SAMD12: variants seen among roughly 807,000 people sequenced by gnomAD.
SAMD12 encodes sterile alpha motif domain containing 12, also known as sterile alpha motif domain-containing protein 12.
A neutral mutation model predicts 15.0 loss-of-function variants in SAMD12; 9 were observed. The ratio of observed to expected loss-of-function variants is 0.60; its 90% CI spans 0.36 to 1.05. SAMD12 has a LOEUF of 1.05. SAMD12 is among the 50% of genes least tolerant of loss of function. The pLI, the probability that SAMD12 is intolerant of heterozygous loss-of-function variation, is 0.01. For missense variants in SAMD12, 230 were observed against 234.2 expected (o/e 0.98, Z 0.12); for synonymous variants, 86 against 90.1 (o/e 0.96, Z 0.25).
In SAMD12 at chr8:118,217,417, G is replaced by A. The variant is rs115201177; in HGVS notation, c.434-19685C>T. Among the ~76,000 whole-genome samples the A allele has an allele frequency of 2.2e-3, 339 of 152,314 alleles. 3 individuals carry two copies. Among genetic ancestry groups the A allele is most frequent in the African/African-American group, 7.3e-3 (305 of 41,566 alleles). On this transcript the variant is annotated intron_variant, in intron 4 of 4. Coordinates refer to the SAMD12 transcript ENST00000409003. The stretch of plus-strand genomic sequence containing the variant: ...ACATACCAAATGAATATCAGTATGG[G>A]TGAGGGATTGTGCTAGATTCTGAGG...
chr8:118,618,041 T>A (rs1268287001), intron 1 of SAMD12, among the ~76,000 whole-genome samples: 2 of 149,586 alleles, frequency 1.3e-5, no homozygotes, highest in Admixed American at 1.3e-4. Flanking sequence ...TTTTTTTTTT[T>A]TAAAAAAAGG....
At chr8:118,132,989 TATA>T in the SAMD12 span, among the ~76,000 whole-genome samples, 1 of 70,434 alleles carries the variant, frequency 1.4e-5, no homozygotes, top group Non-Finnish European at 2.9e-5. Flanking sequence ...TATATATATA[TATA>T]TATATATATA....
chr8:118,277,072 A>G (rs1452134872), intron 4 of SAMD12, among the ~76,000 whole-genome samples: 2 of 152,206 alleles, frequency 1.3e-5, no homozygotes, highest in East Asian at 1.9e-4. Flanking sequence ...CCACACCTGG[A>G]ATCATGACAA....
At position 118,552,400 on chromosome 8, in the gene SAMD12, C is replaced by A. The variant is rs1320561879; in HGVS notation, c.192+28315G>T. Among the ~76,000 whole-genome samples the A allele has an allele frequency of 4.6e-5, 7 of 152,140 alleles. No homozygotes were observed. In the South Asian group the frequency reaches 1.2e-3, roughly 27 times the overall value. On this transcript the variant is annotated intron_variant, in intron 2 of 3. Coordinates refer to ENST00000314727, the MANE Select transcript of SAMD12 (RefSeq NM_207506.3). Reference sequence around the variant, plus strand: ...ATGCAAATCAATAAATGTAATCCAGCATATAAACAGAACCAAAGACAAAAA... The same window carrying A: ...ATGCAAATCAATAAATGTAATCCAGAATATAAACAGAACCAAAGACAAAAA...
At chr8:118,521,459 G>C (rs192300134) in intron 2 of SAMD12, among the ~76,000 whole-genome samples, 18 of 152,264 alleles carry the variant, frequency 1.2e-4, no homozygotes, top group Non-Finnish European at 2.2e-4. Context: ...CTCTTATTGA[G>C]AGATAAGTGC....
chr8:118,382,383 T>C lies in SAMD12; in HGVS notation c.323-2683A>G, dbSNP rs555922896. 5.3e-5 allele frequency among the ~76,000 whole-genome samples: 8 copies of C among 152,316 alleles called. No homozygotes were observed. The East Asian group carries it at 1.5e-3, about 29-fold the overall frequency. On this transcript the variant is annotated intron_variant, in intron 3 of 3. Coordinates refer to ENST00000314727, the MANE Select transcript of SAMD12 (RefSeq NM_207506.3). ...TTAAGGCATCAGAGCGAGGGTTTTG[T>C]TCCAGTGCATGCAGCTCAACTTTGC...
In SAMD12 at chr8:118,412,555, TTG is replaced by T. The variant is rs1489444912; in HGVS notation, c.322+27275_322+27276del. On this transcript the variant is annotated intron_variant, in intron 3 of 3. Transcript: ENST00000314727. Reference sequence around the variant, plus strand: ...CCTGGAAGTCGGGAGCATGGAGGATTTGTGTCTGCTCTAACATATGGAGTATA... The same window carrying T: ...CCTGGAAGTCGGGAGCATGGAGGATTTGTCTGCTCTAACATATGGAGTATA... 2.0e-5 allele frequency among the ~76,000 whole-genome samples: 3 copies of T among 152,274 alleles called. No individual in the cohort carries two copies. The East Asian group carries it at 5.8e-4, about 29-fold the overall frequency.
the SAMD12 span, among the ~76,000 whole-genome samples, chr8:118,175,582 A>ATG: frequency 1.3e-5 from 2 of 152,218 alleles, no homozygotes; most frequent in Non-Finnish European, 2.9e-5. Context: ...GAAAATATTT[A>ATG]CAAACTATGC....
Position 118,604,903 on chromosome 8 carries a change from C to T in SAMD12, c.13+16901G>A, listed in dbSNP as rs200932310. ...CACCACTGCACTCCAGCCTGGGCGA[C>T]AGAGAGAGACTCCGTCTCAAAAAAA... On this transcript the variant is annotated intron_variant, in intron 1 of 3. Transcript: ENST00000314727. 9.9e-5 allele frequency among the ~76,000 whole-genome samples: 15 copies of T among 151,656 alleles called. No individual in the cohort carries two copies. The East Asian group carries it at 2.7e-3, about 27-fold the overall frequency.
chr8:118,436,827 G>C (rs982317883), intron 3 of SAMD12, among the ~76,000 whole-genome samples: 1 of 152,186 alleles, frequency 6.6e-6, no homozygotes, highest in Admixed American at 6.5e-5. Flanking sequence ...TTGGAAAAGA[G>C]CAGCAGCTCA....
At chr8:118,418,501 G>T (rs969826642) in intron 3 of SAMD12, among the ~76,000 whole-genome samples, 1 of 152,122 alleles carries the variant, frequency 6.6e-6, no homozygotes, top group Admixed American at 6.6e-5. Flanking sequence ...GGATCACAAG[G>T]TCAGGAGATC....
At chr8:118,397,068 G>T (rs1820609873) in intron 3 of SAMD12, among the ~76,000 whole-genome samples, 1 of 152,200 alleles carries the variant, frequency 6.6e-6, no homozygotes, top group African/African-American at 2.4e-5. Context: ...GTTTGGACAT[G>T]TAATAAATCC....
At chr8:118,550,322 T>C (rs570321787) in intron 2 of SAMD12, among the ~76,000 whole-genome samples, 173 of 152,306 alleles carry the variant, frequency 1.1e-3, no homozygotes, top group African/African-American at 3.3e-3. Context: ...AGACTAACAG[T>C]GGATCTCTCT....
At chr8:118,284,629 G>A (rs1163695138) in intron 4 of SAMD12, 2 of 237,222 alleles carry the variant, frequency 8.4e-6, no homozygotes, top group East Asian at 2.6e-4. Context: ...TGGAAAATGG[G>A]CTACAGGAGA....
chr8:118,245,709 C>T (rs1187192285), intron 4 of SAMD12, among the ~76,000 whole-genome samples: 1 of 152,102 alleles, frequency 6.6e-6, no homozygotes, highest in African/African-American at 2.4e-5. Flanking sequence ...TAAAAAGGGA[C>T]TAACTGGCAA....
the SAMD12 span, among the ~76,000 whole-genome samples, chr8:118,171,060 G>C: frequency 8.7e-4 from 133 of 152,268 alleles, no homozygotes; most frequent in African/African-American, 3.1e-3. Context: ...TGATCAATAA[G>C]TACATATAAA....
chr8:118,321,144 A>T lies in SAMD12; in HGVS notation c.433+58416T>A, dbSNP rs868721160. On this transcript the variant is annotated intron_variant, in intron 4 of 4. Coordinates refer to the SAMD12 transcript ENST00000409003. ...TATAACATATATATCATAGATAATAAATATATATATATATATATATATATA... is the reference window on the plus strand; with the variant it reads ...TATAACATATATATCATAGATAATATATATATATATATATATATATATATA... 7.6e-4 allele frequency among the ~76,000 whole-genome samples: 72 copies of T among 94,478 alleles called. 2 individuals carry two copies. In the East Asian group the frequency reaches 0.018, roughly 24 times the overall value. The allele number at this position is 94,478 out of a possible 152,430, so 62.0% of individuals were successfully genotyped here.
At chr8:118,399,367 C>T (rs1332196320) in intron 3 of SAMD12, among the ~76,000 whole-genome samples, 1 of 152,098 alleles carries the variant, frequency 6.6e-6, no homozygotes, top group Non-Finnish European at 1.5e-5. Context: ...ACACTTAGAT[C>T]CTCCTTAAGG....
chr8:118,226,034 G>T (rs1812181580), intron 4 of SAMD12, among the ~76,000 whole-genome samples: 1 of 152,154 alleles, frequency 6.6e-6, no homozygotes, highest in Non-Finnish European at 1.5e-5. Flanking sequence ...ACAGTAGGAA[G>T]ACAAAAGGAC....
Sources: allele counts gnomAD v4.1 joint callset (sites outside exome capture counted in the v4.1 genomes callset), GRCh38; gene constraint gnomAD v4.1.1; transcripts MANE v1.5; gene names NCBI Gene and HGNC (gene_info 2026-07-23, HGNC 2026-07-21).